Variants in SUPT16H observed in about 807,000 individuals in gnomAD.
SUPT16H encodes the protein SPT16 homolog, facilitates chromatin remodeling subunit.
SUPT16H carries 24 observed loss-of-function variants against 136.2 expected under a neutral mutation model. The observed-to-expected ratio is 0.18, with a 90% CI of 0.13 to 0.25. The LOEUF is 0.25. Ranked by LOEUF, SUPT16H falls within the 10% of genes least tolerant of loss-of-function variation. The pLI is 1.00. For synonymous variants in SUPT16H, 415 were observed against 428.2 expected (o/e 0.97, Z 0.38); for missense variants, 623 against 1,270.2 (o/e 0.49, Z 7.74).
intron 8 of SUPT16H, 108 bp downstream of exon 8, chr14:21,366,331 G>T: frequency 2.0e-6 from 2 of 1,002,190 alleles, no homozygotes; most frequent in Non-Finnish European, 3.1e-6. Context: ...TAGTTTGCTA[G>T]TCCATAAATG....
chr14:21,382,746 G>C (rs1485775271), intron 1 of SUPT16H, among the ~76,000 whole-genome samples: 1 of 152,090 alleles, frequency 6.6e-6, no homozygotes, highest in Non-Finnish European at 1.5e-5. Context: ...AAAATGTTCA[G>C]TATTCATCTA....
intron 19 of SUPT16H, 94 bp downstream of exon 19, chr14:21,359,390 C>A: frequency 2.0e-6 from 3 of 1,534,362 alleles, no homozygotes; most frequent in South Asian, 1.3e-5. Flanking sequence ...GTCACCACGC[C>A]AGCCCAGTTT....
Position 21,368,374 on chromosome 14 carries a change from A to C in SUPT16H, c.850T>G (p.Ser284Ala), listed in dbSNP as rs758945136. 6.2e-7 allele frequency: 1 copy of C among 1,614,148 alleles called. No individual in the cohort carries two copies. Among genetic ancestry groups the C allele is most frequent in the Non-Finnish European group, 8.5e-7 (1 of 1,180,014 alleles). The change falls in exon 7 of 26, where the codon TCC becomes GCC. Residue 284 changes from serine (S) to alanine (A), a missense_variant. Physicochemically the swap from Ser to Ala is moderately conservative, Grantham distance 99. Transcript: ENST00000216297. The part of the protein sequence containing the change: ...AMGIRFKSYC[S>A]NLVRTLMVDP... Reference sequence around the variant, plus strand: ...ACCATCAAAGTGCGAACAAGGTTGGAGCAGTAAGACTTGAAGCGAATACCC... The same window carrying C: ...ACCATCAAAGTGCGAACAAGGTTGGCGCAGTAAGACTTGAAGCGAATACCC...
Position 21,351,918 on chromosome 14 carries a change from T to C in SUPT16H, c.*755A>G, listed in dbSNP as rs954790522. On this transcript the variant is annotated 3_prime_UTR_variant, in exon 26 of 26. Coordinates refer to ENST00000216297, the MANE Select transcript of SUPT16H (RefSeq NM_007192.4). ...TTCCTCTACATTTCACTAGAAGCGG[T>C]ACATGAGGCACAACCTGATATATCT... is the stretch of plus-strand genomic sequence containing the variant. 3 of 152,742 alleles carry C rather than the reference T, an allele frequency of 2.0e-5. No individual in the cohort carries two copies. Among genetic ancestry groups the C allele is most frequent in the Non-Finnish European group, 2.9e-5 (2 of 68,204 alleles). The allele number at this position is 152,742 out of a possible 1,614,324, so 9.5% of individuals were successfully genotyped here. A position where few individuals can be genotyped will look rare whatever the true frequency, so the allele number is the denominator to read the frequency against.
intron 2 of SUPT16H, 167 bp from the exon 3 acceptor site, chr14:21,372,211 A>G (rs1305523540): frequency 7.5e-6 from 5 of 665,068 alleles, no homozygotes; most frequent in Non-Finnish European, 1.2e-5. Context: ...AGATCGGCCA[A>G]GAGTCGACAA....
At chr14:21,364,634 A>G (rs1886626647) in intron 10 of SUPT16H, among the ~76,000 whole-genome samples, 193 bp downstream of exon 10, 1 of 152,230 alleles carries the variant, frequency 6.6e-6, no homozygotes, top group African/African-American at 2.4e-5. Context: ...CAATATGACA[A>G]TATGATTTAA....
At chr14:21,379,698 AC>A (rs1231397510) in intron 1 of SUPT16H, among the ~76,000 whole-genome samples, 1 of 152,004 alleles carries the variant, frequency 6.6e-6, no homozygotes, top group African/African-American at 2.4e-5. Context: ...CACAAAAAAT[AC>A]AATAAAATAA....
intron 20 of SUPT16H, 36 bp downstream of exon 20, chr14:21,358,279 C>T: frequency 1.6e-6 from 2 of 1,264,282 alleles, no homozygotes; most frequent in Non-Finnish European, 2.3e-6. Context: ...AAAAGACAGA[C>T]CAGTCAAACT....
intron 23 of SUPT16H, among the ~76,000 whole-genome samples, 189 bp downstream of exon 23, chr14:21,354,222 A>C (rs1886380785): frequency 6.6e-6 from 1 of 152,218 alleles, no homozygotes; most frequent in African/African-American, 2.4e-5. Context: ...AATTTCCAAG[A>C]AATCTTGTCA....
chr14:21,367,521 T>C (rs930313118), intron 7 of SUPT16H, among the ~76,000 whole-genome samples: 13 of 152,182 alleles, frequency 8.5e-5, no homozygotes, highest in African/African-American at 3.1e-4. Context: ...AAACTATCTA[T>C]GGCTATGATT....
chr14:21,354,112 C>A (rs1886378977), intron 23 of SUPT16H, among the ~76,000 whole-genome samples: 1 of 152,184 alleles, frequency 6.6e-6, no homozygotes, highest in South Asian at 2.1e-4. Context: ...ACGTATCACA[C>A]AAACGTTAAG....
At chr14:21,377,686 C>T (rs1886933737) in intron 1 of SUPT16H, among the ~76,000 whole-genome samples, 1 of 151,906 alleles carries the variant, frequency 6.6e-6, no homozygotes, top group East Asian at 1.9e-4. Flanking sequence ...TGCAATGGCA[C>T]GATCTCAGCT....
chr14:21,356,698 C>A (rs1886441455), intron 22 of SUPT16H, among the ~76,000 whole-genome samples: 1 of 152,170 alleles, frequency 6.6e-6, no homozygotes, highest in South Asian at 2.1e-4. Flanking sequence ...TGTGACTGCA[C>A]CACTACACTT....
chr14:21,382,210 G>A (rs746105378), intron 1 of SUPT16H, among the ~76,000 whole-genome samples: 12 of 152,186 alleles, frequency 7.9e-5, no homozygotes, highest in African/African-American at 1.4e-4. Context: ...CACAGGTTTT[G>A]TTAACTGGTA....
At chr14:21,366,908 T>G (rs1886682881) in intron 7 of SUPT16H, among the ~76,000 whole-genome samples, 1 of 152,040 alleles carries the variant, frequency 6.6e-6, no homozygotes, top group Admixed American at 6.6e-5. Context: ...CTTCCCAAAG[T>G]GCAGGAATTA....
intron 1 of SUPT16H, among the ~76,000 whole-genome samples, chr14:21,377,078 A>G (rs1406001609): frequency 9.6e-4 from 7 of 7,264 alleles, no homozygotes; most frequent in Non-Finnish European, 5.7e-3. Context: ...AAGAAAAAGA[A>G]AAAAAAAAAA....
chr14:21,359,027 G>C (rs779989427), intron 19 of SUPT16H, among the ~76,000 whole-genome samples: 18 of 152,020 alleles, frequency 1.2e-4, no homozygotes, highest in Non-Finnish European at 1.9e-4. Flanking sequence ...GGATGGTCTT[G>C]ATCTCCTGAC....
At chr14:21,366,892 C>T (rs1886682199) in intron 7 of SUPT16H, among the ~76,000 whole-genome samples, 1 of 152,060 alleles carries the variant, frequency 6.6e-6, no homozygotes, top group African/African-American at 2.4e-5. Flanking sequence ...AATCCTCCCA[C>T]CTTGGCTTCC....
chr14:21,361,478 G>T (rs185311880), intron 15 of SUPT16H: 4 of 485,850 alleles, frequency 8.2e-6, no homozygotes, highest in Non-Finnish European at 1.5e-5. Context: ...CACCATGCCC[G>T]GCTAGTTTTT....
Sources: allele counts gnomAD v4.1 joint callset (sites outside exome capture counted in the v4.1 genomes callset), GRCh38; gene constraint gnomAD v4.1.1; transcripts MANE v1.5; gene names NCBI Gene and HGNC (gene_info 2026-07-23, HGNC 2026-07-21).